ANO3: variants seen among roughly 807,000 people sequenced by gnomAD.
ANO3 encodes anoctamin-3.
In ANO3, 99 loss-of-function variants were observed where a neutral mutation model predicts 144.8. The ratio of observed to expected loss-of-function variants is 0.68; its 90% CI spans 0.58 to 0.81. ANO3 has a LOEUF of 0.81. ANO3 is among the 30% of genes least tolerant of loss of function. The pLI, the probability that ANO3 is intolerant of heterozygous loss-of-function variation, is 0.00. For missense variants in ANO3, 905 were observed against 1,202.2 expected, an observed-to-expected ratio of 0.75 and a Z score of 3.66; for synonymous variants, 414 against 392.6, an observed-to-expected ratio of 1.05 and a Z score of -0.64.
intron 17 of ANO3, among the ~76,000 whole-genome samples, chr11:26,623,298 G>A (rs1852475253): frequency 6.6e-6 from 1 of 152,132 alleles, no homozygotes; most frequent in Admixed American, 6.5e-5. Flanking sequence ...ATGTCCAGAT[G>A]CATACCTTTT....
chr11:26,194,338 T>C (rs1851536286), intron 1 of ANO3, among the ~76,000 whole-genome samples: 1 of 152,084 alleles, frequency 6.6e-6, no homozygotes, highest in Non-Finnish European at 1.5e-5. Context: ...ATGAGTAATT[T>C]TATTCATTTT....
chr11:26,366,418 T>G (rs1416088696), intron 1 of ANO3, among the ~76,000 whole-genome samples: 1 of 152,146 alleles, frequency 6.6e-6, no homozygotes, highest in Non-Finnish European at 1.5e-5. Flanking sequence ...GTTCCAAGTC[T>G]TTGCTATTGT....
intron 1 of ANO3, among the ~76,000 whole-genome samples, chr11:26,228,526 T>A (rs192838168): frequency 6.6e-6 from 1 of 152,314 alleles, no homozygotes; most frequent in Admixed American, 6.5e-5. Flanking sequence ...GTGTAGGATA[T>A]TTATTAGTAT....
chr11:26,458,318 C>G (rs545319419), intron 3 of ANO3, among the ~76,000 whole-genome samples: 1 of 152,166 alleles, frequency 6.6e-6, no homozygotes, highest in South Asian at 2.1e-4. Flanking sequence ...CATTGTTGCT[C>G]TCAGATGTTG....
intron 1 of ANO3, among the ~76,000 whole-genome samples, chr11:26,219,206 C>T (rs930407198): frequency 2.0e-5 from 3 of 152,086 alleles, no homozygotes; most frequent in East Asian, 1.9e-4. Context: ...CAAAATTGCC[C>T]TGGGTTGAGA....
chr11:26,475,477 G>T (rs1304994541), intron 4 of ANO3, among the ~76,000 whole-genome samples: 1 of 151,858 alleles, frequency 6.6e-6, no homozygotes, highest in East Asian at 1.9e-4. Context: ...ATCAATATGG[G>T]CAAAATTAAT....
At chr11:26,295,446 AC>A (rs1854066126) in intron 1 of ANO3, among the ~76,000 whole-genome samples, 1 of 148,152 alleles carries the variant, frequency 6.7e-6, no homozygotes, top group South Asian at 2.2e-4. Flanking sequence ...AATGGCGTGA[AC>A]CCGGGAGGCG....
chr11:26,461,439 C>T (rs754408115), intron 3 of ANO3, among the ~76,000 whole-genome samples: 1 of 152,032 alleles, frequency 6.6e-6, no homozygotes, highest in Non-Finnish European at 1.5e-5. Context: ...ACCCCCCACT[C>T]CTTTCACACC....
chr11:26,201,239 A>G (rs1851686469), intron 1 of ANO3, among the ~76,000 whole-genome samples: 1 of 152,130 alleles, frequency 6.6e-6, no homozygotes, highest in Non-Finnish European at 1.5e-5. Flanking sequence ...TCAGTGAAAA[A>G]AGGAAAATAC....
chr11:26,380,811 G>A (rs977975733), intron 1 of ANO3, among the ~76,000 whole-genome samples: 2 of 151,958 alleles, frequency 1.3e-5, no homozygotes, highest in Non-Finnish European at 2.9e-5. Context: ...GTGAAACCCC[G>A]TCTCTACTAA....
intron 12 of ANO3, among the ~76,000 whole-genome samples, chr11:26,551,035 A>G (rs1849918553): frequency 6.6e-6 from 1 of 151,892 alleles, no homozygotes; most frequent in South Asian, 2.1e-4. Flanking sequence ...AAAAGCAATG[A>G]TTTATCCATA....
intron 9 of ANO3, among the ~76,000 whole-genome samples, 189 bp from the exon 10 acceptor site, chr11:26,537,217 G>C (rs1158606990): frequency 3.3e-5 from 5 of 151,962 alleles, no homozygotes; most frequent in African/African-American, 7.3e-5. Context: ...ATATCATAAG[G>C]ACATAACTAG....
At chr11:26,534,966 AC>A (rs1172938822) in intron 9 of ANO3, among the ~76,000 whole-genome samples, 2 of 141,178 alleles carry the variant, frequency 1.4e-5, no homozygotes, top group Non-Finnish European at 3.1e-5. Context: ...TCCATGTAGT[AC>A]ATTCATTAAA....
chr11:26,477,402 G>A (rs773480669), intron 4 of ANO3, among the ~76,000 whole-genome samples: 1 of 152,024 alleles, frequency 6.6e-6, no homozygotes, highest in Non-Finnish European at 1.5e-5. Flanking sequence ...TCTCGACCTG[G>A]AAAGGCTGAC....
intron 3 of ANO3, among the ~76,000 whole-genome samples, chr11:26,454,309 A>G (rs1247616899): frequency 2.6e-5 from 4 of 152,194 alleles, no homozygotes; most frequent in Non-Finnish European, 5.9e-5. Context: ...GAAAGGATCA[A>G]CAAAATTGAT....
chr11:26,370,252 G>A (rs1473228318), intron 1 of ANO3, among the ~76,000 whole-genome samples: 1 of 152,026 alleles, frequency 6.6e-6, no homozygotes, highest in African/African-American at 2.4e-5. Flanking sequence ...GTTTTATATG[G>A]GGCTTTCGCC....
intron 1 of ANO3, among the ~76,000 whole-genome samples, chr11:26,249,784 A>T (rs1852885000): frequency 6.6e-6 from 1 of 152,080 alleles, no homozygotes; most frequent in African/African-American, 2.4e-5. Flanking sequence ...CAAACAAAAA[A>T]GAAAGAAAGA....
chr11:26,528,007 A>G (rs1255015354), intron 7 of ANO3, among the ~76,000 whole-genome samples: 4 of 152,070 alleles, frequency 2.6e-5, no homozygotes, highest in Admixed American at 2.0e-4. Flanking sequence ...GAATTATCTT[A>G]GGTTTTCCTG....
chr11:26,485,377 A>C (rs908800140), intron 4 of ANO3, among the ~76,000 whole-genome samples: 1 of 151,884 alleles, frequency 6.6e-6, no homozygotes, highest in Non-Finnish European at 1.5e-5. Flanking sequence ...TAAAAAAAAA[A>C]GTGTGGGGCA....
Sources: gnomAD v4.1 joint callset for allele counts (sites outside exome capture counted in the v4.1 genomes callset) on GRCh38, gnomAD v4.1.1 for gene constraint, MANE v1.5 for transcripts, NCBI Gene and HGNC (gene_info 2026-07-23, HGNC 2026-07-21) for gene names.